Variants in RBFOX1 observed in about 807,000 individuals in gnomAD.
RBFOX1 encodes RNA binding fox-1 homolog 1.
In RBFOX1, 8 loss-of-function variants were observed where a neutral mutation model predicts 57.7. The observed-to-expected ratio is 0.14, with a 90% CI of 0.08 to 0.25. RBFOX1 has a LOEUF of 0.25. Ranked by LOEUF, RBFOX1 falls within the 10% of genes least tolerant of loss-of-function variation. RBFOX1 has a pLI of 1.00. For synonymous variants in RBFOX1, 326 were observed against 222.4 expected (o/e 1.47, Z -4.15); for missense variants, 611 against 548.5 (o/e 1.11, Z -1.14).
At chr16:5,626,410 G>C (rs2048352047) in intron 3 of RBFOX1, among the ~76,000 whole-genome samples, 1 of 152,262 alleles carries the variant, frequency 6.6e-6, no homozygotes, top group East Asian at 1.9e-4. Flanking sequence ...AGGTTGGACT[G>C]GGACTCACTC....
At chr16:6,733,877 G>A (rs1176717076) in intron 3 of RBFOX1, among the ~76,000 whole-genome samples, 1 of 152,206 alleles carries the variant, frequency 6.6e-6, no homozygotes, top group Admixed American at 6.5e-5. Context: ...CGCAGGGCCA[G>A]TGTTGGTTCT....
At chr16:7,218,311 T>C (rs4786980) in intron 4 of RBFOX1, among the ~76,000 whole-genome samples, 58,563 of 152,032 alleles carry the variant, frequency 0.39, 11,810 homozygotes, top group East Asian at 0.66. Flanking sequence ...ATTGCTATAA[T>C]ACTCTAAGCC....
chr16:7,540,620 A>T (rs987608704), intron 5 of RBFOX1, among the ~76,000 whole-genome samples: 6 of 152,306 alleles, frequency 3.9e-5, no homozygotes, highest in South Asian at 4.1e-4. Context: ...GTTGTCATGG[A>T]CATAAAAGAT....
At chr16:7,194,341 C>T (rs2086162690) in intron 4 of RBFOX1, among the ~76,000 whole-genome samples, 4 of 152,094 alleles carry the variant, frequency 2.6e-5, no homozygotes, top group African/African-American at 9.7e-5. Context: ...TACTGATATC[C>T]AGTTGCCTTT....
intron 3 of RBFOX1, among the ~76,000 whole-genome samples, chr16:5,639,930 G>C (rs764161953): frequency 7.9e-5 from 12 of 152,324 alleles, no homozygotes; most frequent in South Asian, 4.1e-4. Flanking sequence ...AACCAGGCAA[G>C]CTGAGCATCT....
At chr16:6,232,631 T>C (rs1352457946) in intron 1 of RBFOX1, among the ~76,000 whole-genome samples, 2 of 152,236 alleles carry the variant, frequency 1.3e-5, no homozygotes, top group Non-Finnish European at 2.9e-5. Flanking sequence ...GTGTGAGCTT[T>C]AGAAACTAGG....
intron 4 of RBFOX1, among the ~76,000 whole-genome samples, chr16:7,251,100 C>A (rs923752327): frequency 2.0e-5 from 3 of 152,140 alleles, no homozygotes; most frequent in African/African-American, 7.2e-5. Context: ...CAAAAGATTT[C>A]TTGAAACTAT....
intron 3 of RBFOX1, among the ~76,000 whole-genome samples, chr16:6,740,307 G>T (rs2071671474): frequency 6.6e-6 from 1 of 152,144 alleles, no homozygotes; most frequent in Non-Finnish European, 1.5e-5. Context: ...CTAATATTGT[G>T]TATAATGGTA....
chr16:6,356,094 G>A (rs1411438984), intron 2 of RBFOX1, among the ~76,000 whole-genome samples: 1 of 152,304 alleles, frequency 6.6e-6, no homozygotes. Flanking sequence ...ATTAATACAT[G>A]GAAGTAGAGA....
chr16:6,640,341 G>A (rs2098476840), intron 2 of RBFOX1, among the ~76,000 whole-genome samples: 1 of 152,030 alleles, frequency 6.6e-6, no homozygotes, highest in Admixed American at 6.6e-5. Context: ...GGGCATAGTG[G>A]CTCACATCTG....
At chr16:7,326,800 GTTGTGATGCCCTCAGGTCAC>G (rs1476688663) in intron 4 of RBFOX1, among the ~76,000 whole-genome samples, 4 of 151,788 alleles carry the variant, frequency 2.6e-5, no homozygotes, top group Non-Finnish European at 5.9e-5. Context: ...TTTTCCTACT[GTTGTGATGCCCTCAGGTCAC>G]TTGTGATGAC....
chr16:6,396,191 C>A (rs1041523977), intron 2 of RBFOX1, among the ~76,000 whole-genome samples: 1 of 150,438 alleles, frequency 6.6e-6, no homozygotes, highest in Non-Finnish European at 1.5e-5. Context: ...TAGTAAAAAT[C>A]ACCTTCTGTT....
intron 2 of RBFOX1, among the ~76,000 whole-genome samples, chr16:6,351,170 A>G (rs2086284213): frequency 6.6e-6 from 1 of 152,028 alleles, no homozygotes; most frequent in Non-Finnish European, 1.5e-5. Flanking sequence ...ACAGGGAAAG[A>G]TACATAATCT....
At chr16:7,174,029 AC>A (rs1397323511) in intron 4 of RBFOX1, among the ~76,000 whole-genome samples, 1 of 152,208 alleles carries the variant, frequency 6.6e-6, no homozygotes, top group African/African-American at 2.4e-5. Context: ...TATTCATTAA[AC>A]AAATATTTAT....
chr16:5,992,981 C>T (rs1036077121), intron 4 of RBFOX1, among the ~76,000 whole-genome samples: 1 of 152,132 alleles, frequency 6.6e-6, no homozygotes, highest in Non-Finnish European at 1.5e-5. Flanking sequence ...CAGACATCTG[C>T]CGACTTGAGT....
At chr16:6,593,986 C>G (rs1332591834) in intron 2 of RBFOX1, among the ~76,000 whole-genome samples, 1 of 152,158 alleles carries the variant, frequency 6.6e-6, no homozygotes, top group East Asian at 1.9e-4. Context: ...GTGGAAGATT[C>G]CAGCCTCCCT....
At chr16:5,625,040 C>T (rs761142685) in intron 3 of RBFOX1, among the ~76,000 whole-genome samples, 5 of 152,140 alleles carry the variant, frequency 3.3e-5, no homozygotes, top group African/African-American at 7.2e-5. Context: ...CCTCCATAGG[C>T]GGCTCTGGAT....
chr16:7,162,329 C>G (rs944313691), intron 4 of RBFOX1, among the ~76,000 whole-genome samples: 3 of 152,058 alleles, frequency 2.0e-5, no homozygotes, highest in East Asian at 1.9e-4. Context: ...ATGTATATAT[C>G]TATTTGGCGA....
At chr16:7,356,154 C>T (rs1031512143) in intron 4 of RBFOX1, among the ~76,000 whole-genome samples, 3 of 152,156 alleles carry the variant, frequency 2.0e-5, no homozygotes, top group Non-Finnish European at 2.9e-5. Context: ...TTATTCATCA[C>T]GTAACTATCA....
Sources: allele counts gnomAD v4.1 joint callset (sites outside exome capture counted in the v4.1 genomes callset), GRCh38; gene constraint gnomAD v4.1.1; transcripts MANE v1.5; gene names NCBI Gene and HGNC (gene_info 2026-07-23, HGNC 2026-07-21).